The following URB2 variants were observed in gnomAD, a reference collection of about 807,000 sequenced individuals.
URB2 encodes URB2 ribosome biogenesis homolog.
URB2 carries 86 observed loss-of-function variants against 120.9 expected under a neutral mutation model. That is an observed-to-expected ratio of 0.71 (90% CI 0.60 to 0.85). The LOEUF (loss-of-function observed/expected upper bound fraction) is 0.85, where lower values mean the gene tolerates loss of function less well. Among genes scored for constraint, URB2 ranks in the 40% least tolerant of loss-of-function variants. The probability of loss-of-function intolerance (pLI) is 0.00; values close to 1 mark genes in which losing one functional copy is unlikely to be tolerated. For synonymous variants in URB2, 755 were observed against 758.4 expected (o/e 1.00, Z 0.07); for missense variants, 1,765 against 1,836.5 (o/e 0.96, Z 0.71).
intron 7 of URB2, among the ~76,000 whole-genome samples, chr1:229,648,983 C>T (rs137955223): frequency 2.0e-5 from 3 of 152,298 alleles, no homozygotes; most frequent in Non-Finnish European, 4.4e-5. Context: ...CAACATGTGA[C>T]TAATGAATCC....
At chr1:229,651,091 G>T in intron 7 of URB2, 144 bp from the exon 8 acceptor site, 1 of 580,570 alleles carries the variant, frequency 1.7e-6, no homozygotes, top group Non-Finnish European at 2.8e-6. Context: ...CAGGCGAAAG[G>T]ATGTGGCTAT....
chr1:229,642,828 A>T (rs1259967869), intron 4 of URB2, among the ~76,000 whole-genome samples: 1 of 152,226 alleles, frequency 6.6e-6, no homozygotes, highest in Non-Finnish European at 1.5e-5. Context: ...CCAGCACAGT[A>T]AAAAATTCCG....
At chr1:229,653,461 C>A (rs891023171) in intron 8 of URB2, among the ~76,000 whole-genome samples, 1 of 152,168 alleles carries the variant, frequency 6.6e-6, no homozygotes, top group African/African-American at 2.4e-5. Context: ...ACTCTGGTCC[C>A]AGCCCCAGTC....
intron 2 of URB2, among the ~76,000 whole-genome samples, chr1:229,629,832 C>G (rs1483767466): frequency 1.3e-5 from 2 of 152,244 alleles, no homozygotes; most frequent in Non-Finnish European, 2.9e-5. Flanking sequence ...CAAAACCTGC[C>G]ACTGCTTTAT....
At position 229,637,373 on chromosome 1, in the gene URB2, G is replaced by A. The variant is rs1367043132; in HGVS notation, c.2760G>A (p.Val920=). ...LPPYHVHYFL[V]LLSMAVTKLG... ...CCTATCATGTGCATTATTTTCTTGT[G>A]TTACTGTCCATGGCCGTCACCAAAC... Residue 920 remains valine (V), a synonymous_variant, in exon 4 of 10, where the codon GTG becomes GTA. Coordinates refer to ENST00000258243, the MANE Select transcript of URB2 (RefSeq NM_014777.4). The A allele has an allele frequency of 7.4e-6, 12 of 1,614,038 alleles. No homozygotes were observed. The highest frequency in any genetic ancestry group is 9.3e-6 in the Non-Finnish European group (11 of 1,180,044).
At chr1:229,632,559 G>A (rs1665698361) in intron 3 of URB2, 114 bp downstream of exon 3, 5 of 832,516 alleles carry the variant, frequency 6.0e-6, no homozygotes, top group African/African-American at 1.8e-5. Flanking sequence ...ACTAAGGTAG[G>A]AGAAAAAGGA....
Position 229,637,932 on chromosome 1 carries a change from G to A in URB2, c.3319G>A (p.Ala1107Thr), listed in dbSNP as rs370356535. 26 of 1,612,592 alleles carry A rather than the reference G, an allele frequency of 1.6e-5. No homozygotes were observed. The Middle Eastern group carries it at 2.0e-3, about 123-fold the overall frequency. Reference protein sequence around the residue: ...AVLQLCSVPGARGWRLPSVLI... With the variant: ...AVLQLCSVPGTRGWRLPSVLI... ...GCTGCAGCTCTGCTCAGTGCCGGGGGCCCGGGGCTGGCGCCTTCCCTCGGT... is the reference window on the plus strand; with the variant it reads ...GCTGCAGCTCTGCTCAGTGCCGGGGACCCGGGGCTGGCGCCTTCCCTCGGT... Residue 1107 changes from alanine to threonine, a missense_variant, in exon 4 of 10, where the codon GCC (alanine) becomes ACC (threonine). Transcript: ENST00000258243.
In URB2 at chr1:229,635,066, C is replaced by T. The variant is rs777787043; in HGVS notation, c.453C>T (p.Ser151=). Residue 151 remains serine (S), a synonymous_variant, in exon 4 of 10, where the codon AGC becomes AGT. Coordinates refer to ENST00000258243, the MANE Select transcript of URB2 (RefSeq NM_014777.4). The stretch of plus-strand genomic sequence containing the variant: ...AGGAGCTGATGGTGGCCTTGCTGAG[C>T]CAGCTTTGCTGGTCGGCCTGCAGGC... ...AKQELMVALL[S]QLCWSACRQP... 3.1e-6 allele frequency: 5 copies of T among 1,614,044 alleles called. No homozygotes were observed. Among genetic ancestry groups the T allele is most frequent in the Non-Finnish European group, 4.2e-6 (5 of 1,179,946 alleles).
At chr1:229,656,732 CAGG>C (rs1272997070) in intron 9 of URB2, among the ~76,000 whole-genome samples, 8 of 152,312 alleles carry the variant, frequency 5.3e-5, no homozygotes, top group Non-Finnish European at 7.3e-5. Flanking sequence ...ATGTGTCAGT[CAGG>C]AGAAGGGGCA....
chr1:229,649,077 T>C (rs572554141), intron 7 of URB2, among the ~76,000 whole-genome samples: 27 of 152,354 alleles, frequency 1.8e-4, no homozygotes, highest in African/African-American at 6.3e-4. Context: ...TATAATCTTA[T>C]AGGACCACTG....
chr1:229,634,387 G>A (rs1310300881), intron 3 of URB2, among the ~76,000 whole-genome samples: 2 of 151,542 alleles, frequency 1.3e-5, no homozygotes, highest in African/African-American at 2.4e-5. Context: ...TTCATTTTTA[G>A]TGGAGTCAGG....
intron 9 of URB2, among the ~76,000 whole-genome samples, chr1:229,657,265 T>C (rs189883000): frequency 1.7e-4 from 26 of 152,354 alleles, no homozygotes; most frequent in Non-Finnish European, 5.9e-5. Context: ...AAATAAGTTA[T>C]CTGAAACCTA....
intron 8 of URB2, 77 bp from the exon 9 acceptor site, chr1:229,654,172 A>T: frequency 1.3e-6 from 2 of 1,574,868 alleles, no homozygotes; most frequent in Non-Finnish European, 1.7e-6. Flanking sequence ...TTTCACCCAT[A>T]TTAAAAGTCT....
chr1:229,633,188 T>C (rs146857376), intron 3 of URB2, among the ~76,000 whole-genome samples: 4 of 151,890 alleles, frequency 2.6e-5, no homozygotes, highest in African/African-American at 7.2e-5. Flanking sequence ...CGTTAGAGGC[T>C]AGTAACGGAG....
Position 229,630,982 on chromosome 1 carries a change from C to CAAA in URB2, c.127-1266_127-1264dup, listed in dbSNP as rs57940336. 1.9e-3 allele frequency among the ~76,000 whole-genome samples: 120 copies of CAAA among 64,554 alleles called. 1 individual carries two copies. Among genetic ancestry groups the CAAA allele is most frequent in the East Asian group, 2.9e-3 (6 of 2,058 alleles). The allele number at this position is 64,554 out of a possible 152,430, so 42.3% of individuals were successfully genotyped here. On this transcript the variant is annotated intron_variant, in intron 2 of 9. Coordinates refer to ENST00000258243, the MANE Select transcript of URB2 (RefSeq NM_014777.4). ...GGGTGACAAGAGCGAAACTCCGTCT[C>CAAA]AAAAAAAAAAAAAAAAAAAAAAAGA... is the stretch of plus-strand genomic sequence containing the variant.
At position 229,636,869 on chromosome 1, in the gene URB2, C is replaced by A. The variant is rs746393159; in HGVS notation, c.2256C>A (p.Ser752=). The change falls in exon 4 of 10, where the codon TCC becomes TCA. Residue 752 remains serine, a synonymous_variant. Transcript: ENST00000258243. The stretch of plus-strand genomic sequence containing the variant: ...TGTCAAATCTCACAATTTTAATATC[C>A]TATCTGTGTCCAGATGATGTGGGAT... ...LIVSNLTILI[S]YLCPDDVGYL... is the part of the protein sequence containing the mutation. The A allele has an allele frequency of 6.2e-7, 1 of 1,611,232 alleles. No individual in the cohort carries two copies. The highest frequency in any genetic ancestry group is 8.5e-7 in the Non-Finnish European group (1 of 1,177,902).
Position 229,651,264 on chromosome 1 carries a change from G to C in URB2, c.4179G>C (p.Leu1393Phe), listed in dbSNP as rs1666265585. The C allele has an allele frequency of 6.2e-7, 1 of 1,611,228 alleles. No individual in the cohort carries two copies. The highest frequency in any genetic ancestry group is 1.3e-5 in the African/African-American group (1 of 74,834). ...KVMLKAIPSF[L>F]NSFNRLVFSV... ...TGCTGAAAGCCATCCCTTCTTTCTTGAACTCTTTCAATAGATTGGTGTTTT... is the reference window on the plus strand; with the variant it reads ...TGCTGAAAGCCATCCCTTCTTTCTTCAACTCTTTCAATAGATTGGTGTTTT... The change falls in exon 8 of 10, where the codon TTG becomes TTC. Residue 1393 changes from leucine (L) to phenylalanine (F), a missense_variant. Coordinates refer to ENST00000258243, the MANE Select transcript of URB2 (RefSeq NM_014777.4).
chr1:229,651,225 G>A lies in URB2; in HGVS notation c.4150-10G>A. ...TATGTACTTTTACATTCTGTTATCT[G>A]TCATTACAGGTAATGCTGAAAGCCA... is the stretch of plus-strand genomic sequence containing the variant. On this transcript the variant is annotated splice_polypyrimidine_tract_variant and intron_variant, in intron 7 of 9. Coordinates refer to ENST00000258243, the MANE Select transcript of URB2 (RefSeq NM_014777.4). The A allele has an allele frequency of 1.3e-6, 2 of 1,596,774 alleles. No individual in the cohort carries two copies. Among genetic ancestry groups the A allele is most frequent in the Non-Finnish European group, 1.7e-6 (2 of 1,174,002 alleles).
Position 229,636,147 on chromosome 1 carries a change from G to A in URB2, c.1534G>A (p.Asp512Asn). 1 of 1,614,232 alleles carries A rather than the reference G, an allele frequency of 6.2e-7. No homozygotes were observed. The highest frequency in any genetic ancestry group is 1.1e-5 in the South Asian group (1 of 91,090). Residue 512 changes from aspartate (D) to asparagine (N), a missense_variant, in exon 4 of 10, where the codon GAC becomes AAC. Physicochemically the swap from Asp to Asn is conservative, Grantham distance 23 (BLOSUM62 1). Coordinates refer to ENST00000258243, the MANE Select transcript of URB2 (RefSeq NM_014777.4). ...GGAGCTGCCTCCAAGTCAGATCCTGGACACGTGGTCCCTTGTGCTGGAGAA... is the reference window on the plus strand; with the variant it reads ...GGAGCTGCCTCCAAGTCAGATCCTGAACACGTGGTCCCTTGTGCTGGAGAA... ...LLELPPSQIL[D>N]TWSLVLEKFQ...
Sources: gnomAD v4.1 joint callset for allele counts (sites outside exome capture counted in the v4.1 genomes callset) on GRCh38, gnomAD v4.1.1 for gene constraint, MANE v1.5 for transcripts, NCBI Gene and HGNC (gene_info 2026-07-23, HGNC 2026-07-21) for gene names.